DIMT1: variants seen among roughly 807,000 people sequenced by gnomAD.
The protein encoded by DIMT1 is dimethyladenosine transferase.
A neutral mutation model predicts 43.2 loss-of-function variants in DIMT1; 36 were observed. That is an observed-to-expected ratio of 0.83 (90% CI 0.64 to 1.10). DIMT1 has a LOEUF of 1.10. Ranked by LOEUF, DIMT1 falls within the 50% of genes least tolerant of loss-of-function variation. The pLI, the probability that DIMT1 is intolerant of heterozygous loss-of-function variation, is 0.00. For synonymous variants in DIMT1, 126 were observed against 130.3 expected, an observed-to-expected ratio of 0.97 and a Z score of 0.22; for missense variants, 341 against 385.3, an observed-to-expected ratio of 0.88 and a Z score of 0.96.
chr5:62,395,026 CTTTT>C (rs35544397), intron 6 of DIMT1, among the ~76,000 whole-genome samples: 2 of 143,772 alleles, frequency 1.4e-5, no homozygotes, highest in Admixed American at 1.4e-4. Flanking sequence ...AAGATGTAGA[CTTTT>C]TTTTTTTTTT....
intron 6 of DIMT1, among the ~76,000 whole-genome samples, chr5:62,398,250 A>G (rs1385940988): frequency 1.3e-5 from 2 of 152,224 alleles, no homozygotes; most frequent in Non-Finnish European, 2.9e-5. Context: ...GACATAAGGT[A>G]ATAAAAATTC....
chr5:62,403,902 C>A lies in DIMT1; in HGVS notation c.-130G>T, dbSNP rs141476995. The A allele has an allele frequency of 7.3e-3, 6,819 of 934,762 alleles. 41 individuals are homozygous for A. The highest frequency in any genetic ancestry group is 9.6e-3 in the Non-Finnish European group (6,042 of 630,610). 57.9% of individuals were successfully genotyped at this position (934,762 alleles called of 1,614,324 possible). ...CACTCTGGCCCAAGCGCCGGAGGGG[C>A]AAGGGTCCGCCCCCTCCCGTACGCT... On this transcript the variant is annotated 5_prime_UTR_variant, in exon 1 of 12. Transcript: ENST00000199320.
At chr5:62,398,106 G>A (rs1742564131) in intron 6 of DIMT1, among the ~76,000 whole-genome samples, 1 of 151,974 alleles carries the variant, frequency 6.6e-6, no homozygotes, top group South Asian at 2.1e-4. Context: ...ATCCTGCTCA[G>A]TTAGTACAGA....
chr5:62,395,284 CA>C (rs1389772153), intron 6 of DIMT1, among the ~76,000 whole-genome samples: 1 of 152,120 alleles, frequency 6.6e-6, no homozygotes, highest in Admixed American at 6.5e-5. Flanking sequence ...CTCAGCCTCC[CA>C]AAGTGCTGGG....
intron 10 of DIMT1, chr5:62,391,601 A>G: frequency 1.4e-6 from 1 of 706,556 alleles, no homozygotes; most frequent in South Asian, 5.7e-5. Flanking sequence ...TAAAAAATAA[A>G]AAGAAAATTG....
chr5:62,394,381 G>T, intron 7 of DIMT1, 103 bp downstream of exon 7: 1 of 1,252,290 alleles, frequency 8.0e-7, no homozygotes, highest in Non-Finnish European at 1.2e-6. Context: ...AAGATTGCTT[G>T]AGTATGGGAG....
chr5:62,394,660 G>C (rs1282916142), intron 6 of DIMT1, 53 bp from the exon 7 acceptor site: 3 of 1,604,902 alleles, frequency 1.9e-6, no homozygotes, highest in Non-Finnish European at 2.6e-6. Context: ...AACTATAAAT[G>C]AATTTTAACT....
Position 62,403,748 on chromosome 5 carries a change from T to C in DIMT1, c.25A>G (p.Ile9Val), listed in dbSNP as rs773088064. Reference protein sequence around the residue: MPKVKSGAIGRRRGRQEQR... With the variant: MPKVKSGAVGRRRGRQEQR... ...TCCTGCCGCCCGCGGCGGCGGCCGA[T>C]GGCCCCCGACTTGACCTTCGGCATC... The change falls in exon 1 of 12, where the codon ATC becomes GTC. Residue 9 changes from isoleucine to valine, a missense_variant. Coordinates refer to ENST00000199320, the MANE Select transcript of DIMT1 (RefSeq NM_014473.4). 1 of 1,610,240 alleles carries C rather than the reference T, an allele frequency of 6.2e-7. No individual in the cohort carries two copies. Among genetic ancestry groups the C allele is most frequent in the Admixed American group, 1.7e-5 (1 of 59,854 alleles).
Position 62,398,881 on chromosome 5 carries a change from C to T in DIMT1, c.241G>A (p.Val81Ile). 6.2e-7 allele frequency: 1 copy of T among 1,605,904 alleles called. No homozygotes were observed. Among genetic ancestry groups the T allele is most frequent in the Non-Finnish European group, 8.5e-7 (1 of 1,176,064 alleles). Residue 81 changes from valine to isoleucine, a missense_variant and splice_region_variant, in exon 4 of 12, where the codon GTT becomes ATT. Transcript: ENST00000199320. ...CTTGGGTCAAGTTCACAAGCAACAA[C>T]CTAATTTAAAAAAAATAAAAATTAT... is the stretch of plus-strand genomic sequence containing the variant. ...TVKLLEKAKK[V>I]VACELDPRLV...
At chr5:62,391,169 A>G in intron 10 of DIMT1, 187 bp from the exon 11 acceptor site, 1 of 541,190 alleles carries the variant, frequency 1.8e-6, no homozygotes, top group Non-Finnish European at 3.2e-6. Flanking sequence ...TTATTAACAA[A>G]AACTTGGAAT....
chr5:62,395,488 T>A (rs1439048229), intron 6 of DIMT1, among the ~76,000 whole-genome samples: 1 of 152,190 alleles, frequency 6.6e-6, no homozygotes, highest in African/African-American at 2.4e-5. Context: ...TGTCTGTATG[T>A]ATATGTGTTT....
At chr5:62,401,027 A>G (rs944451405) in intron 3 of DIMT1, among the ~76,000 whole-genome samples, 2 of 152,174 alleles carry the variant, frequency 1.3e-5, no homozygotes, top group African/African-American at 2.4e-5. Flanking sequence ...CTGGGATTAC[A>G]GGTGTGAGCC....
At chr5:62,395,531 C>G (rs74333974) in intron 6 of DIMT1, among the ~76,000 whole-genome samples, 2,494 of 152,154 alleles carry the variant, frequency 0.016, 58 homozygotes, top group African/African-American at 0.058. Flanking sequence ...TTTCATGAAA[C>G]CATAATCACC....
intron 9 of DIMT1, chr5:62,392,711 T>C (rs1742352560): frequency 2.3e-6 from 1 of 437,620 alleles, no homozygotes; most frequent in Non-Finnish European, 4.0e-6. Flanking sequence ...TTTCCTGTTT[T>C]GCCAAAAAAT....
intron 6 of DIMT1, among the ~76,000 whole-genome samples, chr5:62,395,184 C>G (rs756060614): frequency 6.6e-6 from 1 of 152,128 alleles, no homozygotes; most frequent in Non-Finnish European, 1.5e-5. Context: ...ACTACCACCC[C>G]TGGCCAATTT....
At position 62,403,895 on chromosome 5, in the gene DIMT1, G is replaced by C. The variant is rs928856001; in HGVS notation, c.-123C>G. The C allele has an allele frequency of 4.9e-6, 5 of 1,028,970 alleles. No individual in the cohort carries two copies. The African/African-American group carries it at 8.1e-5, about 17-fold the overall frequency. 63.7% of individuals were successfully genotyped at this position (1,028,970 alleles called of 1,614,324 possible). ...CCCGCACCACTCTGGCCCAAGCGCC[G>C]GAGGGGCAAGGGTCCGCCCCCTCCC... On this transcript the variant is annotated 5_prime_UTR_variant, in exon 1 of 12. Transcript: ENST00000199320.
intron 10 of DIMT1, 147 bp from the exon 11 acceptor site, chr5:62,391,129 C>T: frequency 3.3e-6 from 2 of 598,344 alleles, no homozygotes; most frequent in South Asian, 4.9e-5. Flanking sequence ...TACATTAAGA[C>T]TTGGATCTCT....
In DIMT1 at chr5:62,403,645, C is replaced by A. The variant is rs376966626; in HGVS notation, c.79+49G>T. 8.8e-5 allele frequency: 138 copies of A among 1,565,482 alleles called. No homozygotes were observed. In the African/African-American group the frequency reaches 1.8e-3, roughly 20 times the overall value. ...GGTCCGCACCCCAGGCTAGGTCCTG[C>A]CGGAAGACCTGACCCGACCGACCCC... On this transcript the variant is annotated intron_variant, in intron 1 of 11. Coordinates refer to ENST00000199320, the MANE Select transcript of DIMT1 (RefSeq NM_014473.4).
rs779551570 is a variant in DIMT1, at chr5:62,403,731, C to G, written c.42G>C (p.Gly14=). 1 of 1,609,666 alleles carries G rather than the reference C, an allele frequency of 6.2e-7. No homozygotes were observed. ...TCAGCTCCCGGCGCTGCTCCTGCCG[C>G]CCGCGGCGGCGGCCGATGGCCCCCG... is the stretch of plus-strand genomic sequence containing the variant. ...VKSGAIGRRR[G]RQEQRRELKS... is the part of the protein sequence containing the mutation. Residue 14 remains glycine (G), a synonymous_variant, in exon 1 of 12, where the codon GGG becomes GGC. Coordinates refer to ENST00000199320, the MANE Select transcript of DIMT1 (RefSeq NM_014473.4).
Sources: allele counts gnomAD v4.1 joint callset (sites outside exome capture counted in the v4.1 genomes callset), GRCh38; gene constraint gnomAD v4.1.1; transcripts MANE v1.5; gene names NCBI Gene and HGNC (gene_info 2026-07-23, HGNC 2026-07-21).